PTPRD: variants seen among roughly 807,000 people sequenced by gnomAD.
PTPRD encodes protein tyrosine phosphatase receptor type D.
Under a neutral mutation model 214.5 loss-of-function variants are expected in PTPRD, and 34 were observed. The ratio of observed to expected loss-of-function variants is 0.16; its 90% CI spans 0.12 to 0.21. The LOEUF is 0.21. PTPRD is among the 10% of genes least tolerant of loss of function. The pLI is 1.00. For synonymous variants in PTPRD, 1,128 were observed against 845.7 expected, an observed-to-expected ratio of 1.33 and a Z score of -5.79; for missense variants, 2,545 against 2,398.7, an observed-to-expected ratio of 1.06 and a Z score of -1.27.
chr9:10,499,099 A>G (rs939945535), intron 2 of PTPRD, among the ~76,000 whole-genome samples: 1 of 151,990 alleles, frequency 6.6e-6, no homozygotes, highest in Non-Finnish European at 1.5e-5. Context: ...GGGCAACTTT[A>G]TATCTCAGTT....
intron 10 of PTPRD, among the ~76,000 whole-genome samples, chr9:9,099,638 T>C (rs963887015): frequency 2.0e-5 from 3 of 152,182 alleles, no homozygotes; most frequent in Non-Finnish European, 4.4e-5. Context: ...ATTTCTACAA[T>C]TGTAATTATG....
intron 7 of PTPRD, among the ~76,000 whole-genome samples, chr9:9,622,867 G>T (rs1045973198): frequency 3.3e-5 from 5 of 152,108 alleles, no homozygotes; most frequent in Admixed American, 6.6e-5. Context: ...CAGCTTTAAG[G>T]GAAAAGATTC....
At chr9:10,505,278 A>G (rs368729855) in intron 2 of PTPRD, among the ~76,000 whole-genome samples, 9 of 152,290 alleles carry the variant, frequency 5.9e-5, no homozygotes, top group African/African-American at 2.2e-4. Context: ...TCCCAAAGAG[A>G]GGCAATTAGA....
At chr9:9,495,775 G>T (rs887272577) in intron 8 of PTPRD, among the ~76,000 whole-genome samples, 1 of 152,156 alleles carries the variant, frequency 6.6e-6, no homozygotes, top group Non-Finnish European at 1.5e-5. Flanking sequence ...TTGAGTGCAG[G>T]TACCCAAAAC....
chr9:9,103,037 T>C (rs1290367634), intron 10 of PTPRD, among the ~76,000 whole-genome samples: 3 of 152,208 alleles, frequency 2.0e-5, no homozygotes, highest in Non-Finnish European at 4.4e-5. Context: ...TGTGGAAGCA[T>C]GTAGTAATCA....
At chr9:8,565,799 G>T (rs369319513) in intron 14 of PTPRD, among the ~76,000 whole-genome samples, 1 of 152,094 alleles carries the variant, frequency 6.6e-6, no homozygotes, top group Non-Finnish European at 1.5e-5. Flanking sequence ...AAGAACTGGG[G>T]TAAGTTATTC....
chr9:9,924,294 G>A (rs971486651), intron 5 of PTPRD, among the ~76,000 whole-genome samples: 1 of 151,850 alleles, frequency 6.6e-6, no homozygotes, highest in Non-Finnish European at 1.5e-5. Flanking sequence ...AAACAATTAA[G>A]GTAGTTACCA....
At chr9:8,440,016 A>C (rs576552987) in intron 34 of PTPRD, among the ~76,000 whole-genome samples, 57 of 125,870 alleles carry the variant, frequency 4.5e-4, no homozygotes, top group Middle Eastern at 6.5e-3. Flanking sequence ...TGTGGGAGCT[A>C]TATATTGATA....
chr9:9,181,886 C>A (rs1179388956), intron 10 of PTPRD, among the ~76,000 whole-genome samples: 2 of 152,002 alleles, frequency 1.3e-5, no homozygotes, highest in Non-Finnish European at 2.9e-5. Context: ...GTACTTTGGA[C>A]TCCCAAACAA....
intron 8 of PTPRD, among the ~76,000 whole-genome samples, chr9:9,449,892 C>A (rs771035224): frequency 2.0e-5 from 3 of 151,848 alleles, no homozygotes; most frequent in Non-Finnish European, 4.4e-5. Flanking sequence ...CCAACCCACC[C>A]TTCCTCCCAA....
At chr9:9,951,941 C>A (rs1349641364) in intron 4 of PTPRD, among the ~76,000 whole-genome samples, 2 of 152,184 alleles carry the variant, frequency 1.3e-5, no homozygotes, top group East Asian at 1.9e-4. Flanking sequence ...GGTAAGAACA[C>A]CTGGCCCTGG....
At chr9:9,105,121 G>A (rs2099796661) in intron 10 of PTPRD, among the ~76,000 whole-genome samples, 1 of 152,086 alleles carries the variant, frequency 6.6e-6, no homozygotes, top group Non-Finnish European at 1.5e-5. Flanking sequence ...GAATTTTAGG[G>A]ATGAAAGACA....
intron 30 of PTPRD, among the ~76,000 whole-genome samples, chr9:8,472,804 T>C (rs1043829530): frequency 2.6e-5 from 4 of 152,214 alleles, no homozygotes; most frequent in African/African-American, 9.6e-5. Context: ...TCATTATATT[T>C]GCTGGACGGC....
chr9:8,475,961 T>C (rs1290500467), intron 30 of PTPRD, among the ~76,000 whole-genome samples: 1 of 152,190 alleles, frequency 6.6e-6, no homozygotes, highest in African/African-American at 2.4e-5. Flanking sequence ...ATTTCCACTT[T>C]TTAAAACATT....
chr9:8,733,588 C>T (rs1037405472), intron 12 of PTPRD, among the ~76,000 whole-genome samples, 192 bp downstream of exon 12: 8 of 152,078 alleles, frequency 5.3e-5, no homozygotes, highest in East Asian at 1.9e-4. Flanking sequence ...GGCATTAAAA[C>T]GGAGAGGAAA....
intron 30 of PTPRD, among the ~76,000 whole-genome samples, chr9:8,472,512 C>A (rs1358295135): frequency 6.6e-6 from 1 of 152,198 alleles, no homozygotes; most frequent in East Asian, 1.9e-4. Context: ...TAGAGCAGAG[C>A]TGTTCAGCAT....
intron 14 of PTPRD, among the ~76,000 whole-genome samples, chr9:8,586,058 T>A (rs2093628585): frequency 6.6e-6 from 1 of 152,176 alleles, no homozygotes; most frequent in Non-Finnish European, 1.5e-5. Context: ...TCCCAGGACT[T>A]TGGGTAACTG....
chr9:9,463,017 G>C (rs2093803401), intron 8 of PTPRD, among the ~76,000 whole-genome samples: 1 of 152,056 alleles, frequency 6.6e-6, no homozygotes, highest in Non-Finnish European at 1.5e-5. Context: ...AAGATTGTTT[G>C]TGGCATCTAG....
chr9:9,419,710 C>A (rs905512308), intron 8 of PTPRD, among the ~76,000 whole-genome samples: 1 of 151,652 alleles, frequency 6.6e-6, no homozygotes, highest in Admixed American at 6.6e-5. Flanking sequence ...TACATTAACA[C>A]AGATGGCAAA....
Sources: gnomAD v4.1 joint callset for allele counts (sites outside exome capture counted in the v4.1 genomes callset) on GRCh38, gnomAD v4.1.1 for gene constraint, MANE v1.5 for transcripts, NCBI Gene and HGNC (gene_info 2026-07-23, HGNC 2026-07-21) for gene names.